CNTNAP2: variants seen among roughly 807,000 people sequenced by gnomAD.
CNTNAP2 encodes the protein contactin-associated protein-like 2.
Under a neutral mutation model 155.2 loss-of-function variants are expected in CNTNAP2, and 98 were observed. That is an observed-to-expected ratio of 0.63 (90% CI 0.54 to 0.75). The LOEUF is 0.75. Ranked by LOEUF, CNTNAP2 falls within the 30% of genes least tolerant of loss-of-function variation. The pLI, the probability that CNTNAP2 is intolerant of heterozygous loss-of-function variation, is 0.00. For synonymous variants in CNTNAP2, 651 were observed against 631.2 expected, an observed-to-expected ratio of 1.03 and a Z score of -0.47; for missense variants, 1,727 against 1,688.1, an observed-to-expected ratio of 1.02 and a Z score of -0.40.
At chr7:146,577,733 A>G (rs1584990083) in intron 1 of CNTNAP2, among the ~76,000 whole-genome samples, 1 of 152,172 alleles carries the variant, frequency 6.6e-6, no homozygotes. Context: ...GCACAAATTT[A>G]AACACATTAA....
chr7:147,246,080 ATACATATATATGGCATATATATAT>A (rs1273361827), intron 8 of CNTNAP2, among the ~76,000 whole-genome samples: 2 of 149,946 alleles, frequency 1.3e-5, no homozygotes, highest in Non-Finnish European at 3.0e-5. Context: ...ATATATATAT[ATACATATATATGGCATATATATAT>A]ATACACACAT....
intron 13 of CNTNAP2, among the ~76,000 whole-genome samples, chr7:147,651,636 A>G (rs1277215561): frequency 2.0e-5 from 3 of 152,170 alleles, no homozygotes; most frequent in Admixed American, 6.5e-5. Context: ...TTCATTTCTA[A>G]TGAAGATACA....
intron 1 of CNTNAP2, among the ~76,000 whole-genome samples, chr7:146,231,078 A>C (rs1331427474): frequency 6.7e-6 from 1 of 149,740 alleles, no homozygotes; most frequent in Non-Finnish European, 1.5e-5. Flanking sequence ...AAGAACCTAG[A>C]ATAATACCTG....
chr7:147,123,710 G>A (rs1801166510), intron 6 of CNTNAP2, among the ~76,000 whole-genome samples: 1 of 152,158 alleles, frequency 6.6e-6, no homozygotes, highest in South Asian at 2.1e-4. Flanking sequence ...TTCTCTTAAT[G>A]GAAAGGGACT....
At chr7:148,114,748 C>G (rs1804428827) in intron 15 of CNTNAP2, among the ~76,000 whole-genome samples, 1 of 152,208 alleles carries the variant, frequency 6.6e-6, no homozygotes. Context: ...AGCATGTTTA[C>G]TTACAAATCC....
intron 12 of CNTNAP2, among the ~76,000 whole-genome samples, chr7:147,623,700 G>GT (rs930943662): frequency 6.6e-6 from 1 of 151,746 alleles, no homozygotes; most frequent in African/African-American, 2.4e-5. Context: ...TAGATTCAGT[G>GT]TAATTCCTAT....
chr7:147,643,098 T>C (rs1396681184), intron 13 of CNTNAP2, among the ~76,000 whole-genome samples: 1 of 150,628 alleles, frequency 6.6e-6, no homozygotes, highest in Non-Finnish European at 1.5e-5. Flanking sequence ...CCATGGGTAA[T>C]TCTGTGAATC....
chr7:147,443,575 A>C (rs1321407211), intron 10 of CNTNAP2, among the ~76,000 whole-genome samples: 1 of 152,064 alleles, frequency 6.6e-6, no homozygotes, highest in Non-Finnish European at 1.5e-5. Context: ...ATAGTTGTTA[A>C]ATCGGTGTCC....
chr7:146,311,709 AG>A (rs1054859738), intron 1 of CNTNAP2: 4 of 151,546 alleles, frequency 2.6e-5, no homozygotes, highest in East Asian at 1.9e-4. Flanking sequence ...AAATAAAGAA[AG>A]AAAAAGATTG....
intron 3 of CNTNAP2, among the ~76,000 whole-genome samples, chr7:147,012,591 T>G (rs2129244096): frequency 6.6e-6 from 1 of 152,270 alleles, no homozygotes; most frequent in East Asian, 1.9e-4. Flanking sequence ...CAGATTAATT[T>G]TAGAGAGTTT....
chr7:148,003,118 G>A (rs1801925175), intron 15 of CNTNAP2, among the ~76,000 whole-genome samples: 1 of 152,112 alleles, frequency 6.6e-6, no homozygotes, highest in African/African-American at 2.4e-5. Context: ...CACATGCTTA[G>A]TAGCTCCTAG....
intron 18 of CNTNAP2, among the ~76,000 whole-genome samples, chr7:148,199,497 GC>G: frequency 6.6e-6 from 1 of 152,294 alleles, no homozygotes; most frequent in Admixed American, 6.5e-5. Context: ...TGATTCCAAT[GC>G]CCATGTCGAA....
In CNTNAP2 at chr7:147,790,161, G is replaced by A. The variant is rs556845073; in HGVS notation, c.2099-113404G>A. Among the ~76,000 whole-genome samples, 308 of 152,058 alleles carry A rather than the reference G, an allele frequency of 2.0e-3. 1 individual carries two copies. The highest frequency in any genetic ancestry group is 6.4e-3 in the African/African-American group (265 of 41,470). The stretch of plus-strand genomic sequence containing the variant: ...ATGTCTGTTTATCATTCAGCTTCCC[G>A]CTTAAATGTCACCTACTAGGAAGAG... On this transcript the variant is annotated intron_variant, in intron 13 of 23. Coordinates refer to ENST00000361727, the MANE Select transcript of CNTNAP2 (RefSeq NM_014141.6).
chr7:147,316,413 T>G (rs1795234525), intron 9 of CNTNAP2, among the ~76,000 whole-genome samples: 1 of 152,026 alleles, frequency 6.6e-6, no homozygotes, highest in African/African-American at 2.4e-5. Flanking sequence ...TGATGTGAGG[T>G]TAGCATCATC....
chr7:147,852,428 G>C lies in CNTNAP2; in HGVS notation c.2099-51137G>C, dbSNP rs17170700. Among the ~76,000 whole-genome samples, 1,724 of 152,192 alleles carry C rather than the reference G, an allele frequency of 0.011. 59 individuals carry two copies. In the East Asian group the frequency reaches 0.13, roughly 11 times the overall value. On this transcript the variant is annotated intron_variant, in intron 13 of 23. Transcript: ENST00000361727. ...GTGACTTAGCAACATGATTAGATGA[G>C]ACAAAACCCATAGCTACACATCTTT...
chr7:147,322,238 A>G (rs2116822607), intron 9 of CNTNAP2, among the ~76,000 whole-genome samples: 1 of 152,356 alleles, frequency 6.6e-6, no homozygotes, highest in South Asian at 2.1e-4. Context: ...TAATGTGGCC[A>G]CATATAGTTG....
intron 10 of CNTNAP2, among the ~76,000 whole-genome samples, chr7:147,440,341 G>A (rs1797616595): frequency 1.3e-5 from 2 of 151,440 alleles, no homozygotes; most frequent in South Asian, 2.1e-4. Context: ...GCAAGCAAAA[G>A]GAAAACTAAT....
intron 1 of CNTNAP2, among the ~76,000 whole-genome samples, chr7:146,244,953 G>C (rs1224263648): frequency 2.0e-5 from 3 of 151,190 alleles, no homozygotes; most frequent in African/African-American, 7.3e-5. Flanking sequence ...AAGGGAGGGG[G>C]CCTGAATAAT....
intron 3 of CNTNAP2, among the ~76,000 whole-genome samples, chr7:146,956,122 T>C (rs1317359820): frequency 6.6e-6 from 1 of 152,078 alleles, no homozygotes; most frequent in Non-Finnish European, 1.5e-5. Flanking sequence ...GTAATACAAG[T>C]TGGTTTAGAA....
Sources: allele counts gnomAD v4.1 joint callset (sites outside exome capture counted in the v4.1 genomes callset), GRCh38; gene constraint gnomAD v4.1.1; transcripts MANE v1.5; gene names NCBI Gene and HGNC (gene_info 2026-07-23, HGNC 2026-07-21).